SGCZ: variants seen among roughly 807,000 people sequenced by gnomAD.
The protein encoded by SGCZ is sarcoglycan zeta.
Under a neutral mutation model 41.3 loss-of-function variants are expected in SGCZ, and 40 were observed. The observed-to-expected ratio is 0.97, with a 90% confidence interval of 0.75 to 1.26. The LOEUF is 1.26. Among genes scored for constraint, SGCZ ranks in the 50% most tolerant of loss-of-function variants. The probability of loss-of-function intolerance (pLI) is 0.00; values close to 1 mark genes in which losing one functional copy is unlikely to be tolerated. For missense variants in SGCZ, 552 were observed against 369.8 expected (o/e 1.49, Z -4.04); for synonymous variants, 206 against 137.5 (o/e 1.50, Z -3.49).
intron 1 of SGCZ, among the ~76,000 whole-genome samples, chr8:15,152,870 C>G (rs529739190): frequency 6.6e-6 from 1 of 152,246 alleles, no homozygotes; most frequent in East Asian, 1.9e-4. Flanking sequence ...ATAGTGATTC[C>G]CAGACCAAGA....
At chr8:14,754,226 T>C (rs1799587340) in intron 1 of SGCZ, among the ~76,000 whole-genome samples, 1 of 152,118 alleles carries the variant, frequency 6.6e-6, no homozygotes. Context: ...GAAATATATA[T>C]TACCTTTAGA....
At chr8:14,492,688 T>C (rs1482566480) in intron 2 of SGCZ, among the ~76,000 whole-genome samples, 1 of 152,212 alleles carries the variant, frequency 6.6e-6, no homozygotes, top group Admixed American at 6.5e-5. Flanking sequence ...CACCATCTTC[T>C]GTGCCTCAAG....
At chr8:15,208,849 A>G (rs1322980993) in intron 1 of SGCZ, among the ~76,000 whole-genome samples, 1 of 151,678 alleles carries the variant, frequency 6.6e-6, no homozygotes, top group East Asian at 1.9e-4. Context: ...AGTATCTTAT[A>G]TAATTCCTAT....
At chr8:14,264,342 G>C (rs1390904576) in intron 3 of SGCZ, among the ~76,000 whole-genome samples, 4 of 152,170 alleles carry the variant, frequency 2.6e-5, no homozygotes, top group African/African-American at 9.6e-5. Context: ...TTCACAATGA[G>C]ACAGAGTAGA....
chr8:15,162,437 C>G (rs1799538038), intron 1 of SGCZ, among the ~76,000 whole-genome samples: 1 of 152,178 alleles, frequency 6.6e-6, no homozygotes, highest in Non-Finnish European at 1.5e-5. Flanking sequence ...TTGTAAATTA[C>G]TTTCAGAAAG....
At chr8:14,876,325 A>G (rs1002524936) in intron 1 of SGCZ, among the ~76,000 whole-genome samples, 2 of 152,212 alleles carry the variant, frequency 1.3e-5, no homozygotes, top group Admixed American at 6.6e-5. Flanking sequence ...ATAGCATTAC[A>G]AAACTGAAAC....
intron 1 of SGCZ, among the ~76,000 whole-genome samples, chr8:14,836,436 C>T (rs1802705236): frequency 6.6e-6 from 1 of 152,180 alleles, no homozygotes; most frequent in African/African-American, 2.4e-5. Context: ...CTGTCCCATA[C>T]AATAACCTGG....
At chr8:14,839,442 A>C (rs1802823590) in intron 1 of SGCZ, among the ~76,000 whole-genome samples, 1 of 152,134 alleles carries the variant, frequency 6.6e-6, no homozygotes, top group African/African-American at 2.4e-5. Flanking sequence ...ATGCAGTTGG[A>C]TTTATGTCTG....
intron 4 of SGCZ, among the ~76,000 whole-genome samples, chr8:14,215,215 G>A (rs1805953682): frequency 6.6e-6 from 1 of 151,802 alleles, no homozygotes; most frequent in African/African-American, 2.4e-5. Flanking sequence ...AAAGGTAGCA[G>A]GAAAATTTTC....
At chr8:14,667,841 T>C (rs962115408) in intron 1 of SGCZ, among the ~76,000 whole-genome samples, 1 of 152,174 alleles carries the variant, frequency 6.6e-6, no homozygotes, top group African/African-American at 2.4e-5. Flanking sequence ...ACAATTAGAA[T>C]ATTATTGCTA....
intron 1 of SGCZ, among the ~76,000 whole-genome samples, chr8:14,636,808 C>A (rs181149403): frequency 5.9e-5 from 9 of 151,792 alleles, no homozygotes; most frequent in Middle Eastern, 3.4e-3. Context: ...CAGTTGAGAC[C>A]ATTTAAATAA....
intron 1 of SGCZ, among the ~76,000 whole-genome samples, chr8:14,581,705 A>C (rs1804894977): frequency 6.6e-6 from 1 of 152,176 alleles, no homozygotes; most frequent in Non-Finnish European, 1.5e-5. Flanking sequence ...CACTTACTGC[A>C]ACTCCCCAAA....
At chr8:14,670,075 TA>T (rs1244554045) in intron 1 of SGCZ, among the ~76,000 whole-genome samples, 1 of 152,238 alleles carries the variant, frequency 6.6e-6, no homozygotes, top group Non-Finnish European at 1.5e-5. Context: ...AATCTATCCT[TA>T]AATTCAACTC....
At chr8:14,573,255 TG>T (rs1267332295) in intron 1 of SGCZ, among the ~76,000 whole-genome samples, 1 of 134,788 alleles carries the variant, frequency 7.4e-6, no homozygotes, top group Non-Finnish European at 1.5e-5. Flanking sequence ...TGGAGTGCAG[TG>T]GCGCTGTCTC....
At chr8:14,512,751 C>A (rs1802504085) in intron 2 of SGCZ, among the ~76,000 whole-genome samples, 1 of 151,990 alleles carries the variant, frequency 6.6e-6, no homozygotes, top group Non-Finnish European at 1.5e-5. Flanking sequence ...AAGTGTGCAT[C>A]ACCACACCCG....
chr8:15,229,417 G>C (rs1022862933), intron 1 of SGCZ, among the ~76,000 whole-genome samples: 19 of 152,190 alleles, frequency 1.2e-4, no homozygotes, highest in African/African-American at 4.3e-4. Context: ...ATTTGTTGGA[G>C]ATGGACCACA....
chr8:14,503,382 C>T lies in SGCZ; in HGVS notation c.234+51350G>A, dbSNP rs536006363. 1.7e-4 allele frequency among the ~76,000 whole-genome samples: 26 copies of T among 152,188 alleles called. No individual in the cohort carries two copies. In the South Asian group the frequency reaches 4.8e-3, roughly 28 times the overall value. On this transcript the variant is annotated intron_variant, in intron 2 of 7. Coordinates refer to ENST00000382080, the MANE Select transcript of SGCZ (RefSeq NM_139167.4). Reference sequence around the variant, plus strand: ...GATGAGTGCAGAAACCACCATGGCACGTGCATACCTATGTAACAAACCTGC... The same window carrying T: ...GATGAGTGCAGAAACCACCATGGCATGTGCATACCTATGTAACAAACCTGC...
chr8:14,597,336 A>G (rs1403292587), intron 1 of SGCZ, among the ~76,000 whole-genome samples: 2 of 152,180 alleles, frequency 1.3e-5, no homozygotes, highest in African/African-American at 4.8e-5. Context: ...TTAGAATGGG[A>G]GAGAAAAAGT....
intron 2 of SGCZ, among the ~76,000 whole-genome samples, chr8:14,533,036 G>A (rs1402485211): frequency 1.3e-5 from 2 of 151,932 alleles, no homozygotes; most frequent in African/African-American, 2.4e-5. Flanking sequence ...GTGTACATGT[G>A]CACAAGGTGC....
Sources: allele counts gnomAD v4.1 joint callset (sites outside exome capture counted in the v4.1 genomes callset), GRCh38; gene constraint gnomAD v4.1.1; transcripts MANE v1.5; gene names NCBI Gene and HGNC (gene_info 2026-07-23, HGNC 2026-07-21).